The following PTPRD variants were observed in gnomAD, a reference collection of about 807,000 sequenced individuals.
PTPRD encodes protein tyrosine phosphatase receptor type D.
Under a neutral mutation model 214.5 loss-of-function variants are expected in PTPRD, and 34 were observed. That is an observed-to-expected ratio of 0.16 (90% CI 0.12 to 0.21). The LOEUF is 0.21. Among genes scored for constraint, PTPRD ranks in the 10% least tolerant of loss-of-function variants. The pLI is 1.00. For missense variants in PTPRD, 2,545 were observed against 2,398.7 expected (o/e 1.06, Z -1.27); for synonymous variants, 1,128 against 845.7 (o/e 1.33, Z -5.79).
chr9:9,855,583 A>T (rs533793313), intron 5 of PTPRD, among the ~76,000 whole-genome samples: 2 of 152,148 alleles, frequency 1.3e-5, no homozygotes, highest in Non-Finnish European at 2.9e-5. Flanking sequence ...CGCTCTCAAC[A>T]ATTTGACGGA....
intron 14 of PTPRD, among the ~76,000 whole-genome samples, chr9:8,536,125 G>C (rs931710157): frequency 1.3e-5 from 2 of 151,782 alleles, no homozygotes; most frequent in Non-Finnish European, 2.9e-5. Flanking sequence ...CCTACATGTA[G>C]TAAAAAATTA....
rs905173421 is a variant in PTPRD at position 9,430,266 on chromosome 9, A to G, written c.-236-32784T>C. 4.8e-4 allele frequency among the ~76,000 whole-genome samples: 73 copies of G among 152,148 alleles called. 1 individual carries two copies. Among genetic ancestry groups the G allele is most frequent in the African/African-American group, 1.6e-3 (68 of 41,512 alleles). ...ATTCCTATACACCAATAACAGACAA[A>G]CAGAGAGCCAAATCATGAGTGAACT... On this transcript the variant is annotated intron_variant, in intron 8 of 45. Transcript: ENST00000381196.
chr9:8,929,723 A>ATATATGTGTATATATATATGTG (rs1567060148), intron 11 of PTPRD, among the ~76,000 whole-genome samples: 6 of 111,984 alleles, frequency 5.4e-5, no homozygotes, highest in African/African-American at 1.8e-4. Flanking sequence ...ATATGTGTAT[A>ATATATGTGTATATATATATGTG]TATATATGTG....
intron 4 of PTPRD, among the ~76,000 whole-genome samples, chr9:9,972,343 T>C (rs1216944574): frequency 6.6e-6 from 1 of 152,160 alleles, no homozygotes. Context: ...AATTTAAAAA[T>C]TATTAGTAGA....
At chr9:8,501,745 CAG>C (rs1288672337) in intron 23 of PTPRD, among the ~76,000 whole-genome samples, 1 of 152,144 alleles carries the variant, frequency 6.6e-6, no homozygotes, top group East Asian at 1.9e-4. Flanking sequence ...GATGAAAATG[CAG>C]AGTCCAAGAT....
chr9:8,813,878 T>C (rs2096867329), intron 11 of PTPRD, among the ~76,000 whole-genome samples: 1 of 152,190 alleles, frequency 6.6e-6, no homozygotes, highest in Non-Finnish European at 1.5e-5. Flanking sequence ...GTCTGAGAAG[T>C]CTTCTTTGGT....
At chr9:10,450,116 G>A (rs1449388506) in intron 2 of PTPRD, among the ~76,000 whole-genome samples, 1 of 151,556 alleles carries the variant, frequency 6.6e-6, no homozygotes, top group African/African-American at 2.4e-5. Context: ...AAGGCCGCAG[G>A]GTCCTCTGCC....
Position 9,115,704 on chromosome 9 carries a change from T to C in PTPRD, c.-143+67600A>G, listed in dbSNP as rs2099811758. Among the ~76,000 whole-genome samples the C allele has an allele frequency of 2.0e-5, 3 of 152,144 alleles. No homozygotes were observed. The South Asian group carries it at 6.2e-4, about 32-fold the overall frequency. On this transcript the variant is annotated intron_variant, in intron 10 of 45. Transcript: ENST00000381196. ...CTATGTTTATCACAACACAATTCAG[T>C]TTTAAAGACACAGAATCCAATCTAA...
At chr9:9,582,485 G>A (rs1289760381) in intron 7 of PTPRD, among the ~76,000 whole-genome samples, 1 of 152,042 alleles carries the variant, frequency 6.6e-6, no homozygotes, top group Non-Finnish European at 1.5e-5. Flanking sequence ...TGTTATCTCA[G>A]ACTTGGATGA....
At chr9:10,481,456 C>T (rs1486245662) in intron 2 of PTPRD, among the ~76,000 whole-genome samples, 1 of 151,986 alleles carries the variant, frequency 6.6e-6, no homozygotes, top group African/African-American at 2.4e-5. Context: ...TCCATTTATC[C>T]TTCCCAAAAG....
At chr9:10,199,596 C>T (rs1267244721) in intron 3 of PTPRD, among the ~76,000 whole-genome samples, 2 of 151,990 alleles carry the variant, frequency 1.3e-5, no homozygotes, top group Non-Finnish European at 2.9e-5. Context: ...TTCTCTTAAT[C>T]ACCTAGGAAG....
Position 8,317,132 on chromosome 9 carries a change from T to C in PTPRD, c.*742A>G, listed in dbSNP as rs2130359857. On this transcript the variant is annotated 3_prime_UTR_variant, in exon 46 of 46. Coordinates refer to ENST00000381196, the MANE Select transcript of PTPRD (RefSeq NM_002839.4). ...AAATTAATATATCTGACGAGACTGA[T>C]ACTGTAGATTGAGTTTTGCACAAAA... 1 of 232,022 alleles carries C rather than the reference T, an allele frequency of 4.3e-6. No homozygotes were observed. Among genetic ancestry groups the C allele is most frequent in the East Asian group, 6.1e-5 (1 of 16,366 alleles). The allele number at this position is 232,022 out of a possible 1,614,324, so 14.4% of individuals were successfully genotyped here. A position where few individuals can be genotyped will look rare whatever the true frequency, so the allele number is the denominator to read the frequency against.
rs572963040 is a variant in PTPRD at position 10,152,977 on chromosome 9, T to C, written c.-544-119187A>G. Among the ~76,000 whole-genome samples, 45 of 152,264 alleles carry C rather than the reference T, an allele frequency of 3.0e-4. 1 individual carries two copies. The South Asian group carries it at 8.7e-3, about 29-fold the overall frequency. ...GTGGAATATAAAACATTGAACTAAT[T>C]GAAGTAGAGAATAGAATTGCAGTTA... is the stretch of plus-strand genomic sequence containing the variant. On this transcript the variant is annotated intron_variant, in intron 3 of 45. Coordinates refer to ENST00000381196, the MANE Select transcript of PTPRD (RefSeq NM_002839.4).
chr9:10,095,216 TTC>T (rs973633404), intron 3 of PTPRD, among the ~76,000 whole-genome samples: 10 of 151,472 alleles, frequency 6.6e-5, no homozygotes, highest in Non-Finnish European at 1.3e-4. Context: ...ACTTTATATA[TTC>T]TCTTTCTTTT....
At chr9:9,226,425 T>C (rs559944015) in intron 9 of PTPRD, among the ~76,000 whole-genome samples, 1 of 152,166 alleles carries the variant, frequency 6.6e-6, no homozygotes. Flanking sequence ...CTTACTGTTA[T>C]TATTATTGAT....
chr9:8,714,766 C>T (rs1009072097), intron 12 of PTPRD, among the ~76,000 whole-genome samples: 3 of 152,110 alleles, frequency 2.0e-5, no homozygotes, highest in Non-Finnish European at 4.4e-5. Context: ...CCCCTACCCA[C>T]CCCCATCATG....
rs552660866 is a variant in PTPRD at position 8,465,785 on chromosome 9, T to C, written c.3505-110A>G. On this transcript the variant is annotated intron_variant, in intron 31 of 45. Coordinates refer to ENST00000381196, the MANE Select transcript of PTPRD (RefSeq NM_002839.4). ...AACTGGGAACAACCCAAATGCAATT[T>C]GTTCACATTTCATATAGCACATCAG... The C allele has an allele frequency of 1.1e-4, 92 of 859,258 alleles. No individual in the cohort carries two copies. The East Asian group carries it at 2.4e-3, about 22-fold the overall frequency. The allele number at this position is 859,258 out of a possible 1,614,324, so 53.2% of individuals were successfully genotyped here. A position where few individuals can be genotyped will look rare whatever the true frequency, so the allele number is the denominator to read the frequency against.
intron 8 of PTPRD, among the ~76,000 whole-genome samples, chr9:9,561,090 G>A (rs183498736): frequency 8.5e-5 from 13 of 152,226 alleles, no homozygotes; most frequent in Middle Eastern, 3.4e-3. Context: ...GCAGTTATAC[G>A]TTTCACAGAC....
intron 8 of PTPRD, among the ~76,000 whole-genome samples, chr9:9,484,954 G>C (rs1468736999): frequency 6.6e-6 from 1 of 152,186 alleles, no homozygotes; most frequent in Non-Finnish European, 1.5e-5. Context: ...AACTATCAAA[G>C]TGGGTTTCTG....
Sources: allele counts gnomAD v4.1 joint callset (sites outside exome capture counted in the v4.1 genomes callset), GRCh38; gene constraint gnomAD v4.1.1; transcripts MANE v1.5; gene names NCBI Gene and HGNC (gene_info 2026-07-23, HGNC 2026-07-21).